The following ZNF787 variants were observed in gnomAD, a reference collection of about 807,000 sequenced individuals.
The protein encoded by ZNF787 is zinc finger protein 787, also known as TTF-I-interacting peptide 20.
ZNF787 carries 7 observed loss-of-function variants against 16.9 expected under a neutral mutation model. The observed-to-expected ratio is 0.42, with a 90% CI of 0.24 to 0.78. ZNF787 has a LOEUF of 0.78. Ranked by LOEUF, ZNF787 falls within the 30% of genes least tolerant of loss-of-function variation. The probability of loss-of-function intolerance (pLI) is 0.30; values close to 1 mark genes in which losing one functional copy is unlikely to be tolerated. For synonymous variants in ZNF787, 345 were observed against 270.9 expected (o/e 1.27, Z -2.69); for missense variants, 551 against 589.3 (o/e 0.94, Z 0.67).
intron 2 of ZNF787, chr19:56,101,860 A>G (rs1986110691): frequency 6.6e-6 from 1 of 152,372 alleles, no homozygotes; most frequent in African/African-American, 2.4e-5. Context: ...CCAAGGATGT[A>G]TGCGAGGGAG....
intron 1 of ZNF787, among the ~76,000 whole-genome samples, chr19:56,114,684 T>C (rs1234243123): frequency 6.6e-6 from 1 of 152,146 alleles, no homozygotes; most frequent in Non-Finnish European, 1.5e-5. Flanking sequence ...TCTGTCACCA[T>C]GTCACGAGCG....
chr19:56,089,403 G>T (rs780804891), intron 2 of ZNF787, among the ~76,000 whole-genome samples: 1 of 152,086 alleles, frequency 6.6e-6, no homozygotes, highest in Non-Finnish European at 1.5e-5. Context: ...CGGGATCCAC[G>T]GAAGGCTCCC....
chr19:56,107,246 A>T (rs1265948144), intron 1 of ZNF787, among the ~76,000 whole-genome samples: 1 of 152,188 alleles, frequency 6.6e-6, no homozygotes, highest in Non-Finnish European at 1.5e-5. Flanking sequence ...GGGAGAAGGG[A>T]AAGGCTGGAG....
rs1274125070 is a variant in ZNF787 at position 56,104,589 on chromosome 19, CCAT to C, written c.-10-1365_-10-1363del. On this transcript the variant is annotated intron_variant, in intron 1 of 2. Coordinates refer to ENST00000610935, the MANE Select transcript of ZNF787 (RefSeq NM_001002836.4). Reference sequence around the variant, plus strand: ...GCACACCACCCACCCGTGCCACGTACCATGAGGGTCTCTACACATGACACCACC... The same window carrying C: ...GCACACCACCCACCCGTGCCACGTACGAGGGTCTCTACACATGACACCACC... 3.9e-5 allele frequency among the ~76,000 whole-genome samples: 6 copies of C among 152,112 alleles called. No homozygotes were observed. In the South Asian group the frequency reaches 1.0e-3, roughly 26 times the overall value.
intron 2 of ZNF787, among the ~76,000 whole-genome samples, chr19:56,099,520 G>C (rs548996430): frequency 6.6e-6 from 1 of 152,220 alleles, no homozygotes; most frequent in Admixed American, 6.5e-5. Context: ...AGACCATCCT[G>C]GCCAACACGG....
intron 1 of ZNF787, among the ~76,000 whole-genome samples, chr19:56,106,951 G>A (rs898945753): frequency 1.3e-5 from 2 of 152,182 alleles, no homozygotes; most frequent in African/African-American, 4.8e-5. Flanking sequence ...GGTACAGAAC[G>A]GAGCCAGCCC....
intron 1 of ZNF787, among the ~76,000 whole-genome samples, chr19:56,120,574 G>C (rs1309184586): frequency 2.0e-5 from 3 of 152,204 alleles, no homozygotes; most frequent in Non-Finnish European, 2.9e-5. Flanking sequence ...CCTGATCAAA[G>C]GCCACGCGCA....
At chr19:56,100,314 G>A (rs113830456) in intron 2 of ZNF787, among the ~76,000 whole-genome samples, 2,442 of 26,220 alleles carry the variant, frequency 0.093, 65 homozygotes, top group African/African-American at 0.18. Flanking sequence ...CAAGTGCTCA[G>A]GCTGACACCT....
At chr19:56,118,490 G>A (rs1031068743) in intron 1 of ZNF787, among the ~76,000 whole-genome samples, 6 of 152,194 alleles carry the variant, frequency 3.9e-5, no homozygotes, top group Admixed American at 6.5e-5. Flanking sequence ...CTCTGGAATC[G>A]CAGTAGACAC....
rs1416227707 is a variant in ZNF787, at chr19:56,088,382, C to T, written c.790G>A (p.Ala264Thr). 54 of 1,102,706 alleles carry T rather than the reference C, an allele frequency of 4.9e-5. No homozygotes were observed. The highest frequency in any genetic ancestry group is 5.5e-5 in the Non-Finnish European group (50 of 905,626). The allele number at this position is 1,102,706 out of a possible 1,614,324, so 68.3% of individuals were successfully genotyped here. ...AAAAAMAGAG[A>T]KAAGPRSRRA... The stretch of plus-strand genomic sequence containing the variant: ...CGCGACCGGGGCCCCGCGGCCTTTG[C>T]CCCCGCGCCCGCCATGGCTGCCGCG... Residue 264 changes from alanine to threonine, a missense_variant, in exon 3 of 3, where the codon GCA becomes ACA. Physicochemically the swap from Ala to Thr is moderately conservative, Grantham distance 58. Transcript: ENST00000610935. This position sits in a 1 kb window ranked among gnomAD's most constrained non-coding sequence, Gnocchi z 8.6.
intron 1 of ZNF787, among the ~76,000 whole-genome samples, chr19:56,114,318 T>C (rs2030067461): frequency 6.6e-6 from 1 of 151,914 alleles, no homozygotes; most frequent in South Asian, 2.1e-4. Flanking sequence ...AGGCCTGGTC[T>C]TTCTCTCTGA....
chr19:56,110,361 C>CAAA (rs761035056), intron 1 of ZNF787, among the ~76,000 whole-genome samples: 2 of 112,912 alleles, frequency 1.8e-5, no homozygotes, highest in Non-Finnish European at 3.8e-5. Flanking sequence ...GACTCCGTCT[C>CAAA]AAAAAAAAAA....
At chr19:56,106,088 C>T in intron 1 of ZNF787, among the ~76,000 whole-genome samples, 1 of 150,704 alleles carries the variant, frequency 6.6e-6, no homozygotes, top group South Asian at 2.1e-4. Context: ...AGTCACCGCG[C>T]ATTCCCCCTT....
At chr19:56,102,824 G>GA in intron 2 of ZNF787, 1 of 689,298 alleles carries the variant, frequency 1.5e-6, no homozygotes, top group Admixed American at 2.0e-5. Flanking sequence ...GTGGGGAGAG[G>GA]AAGGGGGCAC....
In ZNF787 at chr19:56,088,905, G is replaced by C. The variant is rs1341905012; in HGVS notation, c.267C>G (p.Thr89=). 1 of 1,599,752 alleles carries C rather than the reference G, an allele frequency of 6.3e-7. No homozygotes were observed. The highest frequency in any genetic ancestry group is 8.5e-7 in the Non-Finnish European group (1 of 1,172,866). ...CGGCGCAGGCGTTGGGCCGCTCGCCGGTGTGCGTGCGCTGGTGCCGCGTCA... is the reference window on the plus strand; with the variant it reads ...CGGCGCAGGCGTTGGGCCGCTCGCCCGTGTGCGTGCGCTGGTGCCGCGTCA... The part of the protein sequence containing the change: ...SKLTRHQRTH[T]GERPNACADC... Residue 89 remains threonine (T), a synonymous_variant, in exon 3 of 3, where the codon ACC becomes ACG. Transcript: ENST00000610935. The surrounding 1 kb of genome is among the most constrained non-coding windows in gnomAD (Gnocchi z 8.6).
intron 1 of ZNF787, 133 bp from the exon 2 acceptor site, chr19:56,103,360 A>G (rs997082797): frequency 1.5e-6 from 1 of 685,774 alleles, no homozygotes; most frequent in Non-Finnish European, 2.3e-6. Context: ...CACAGCACCT[A>G]CCCCAGGACA....
At chr19:56,091,147 AGCTATTTGCCCCGGGGCAGTG>A (rs1486539770) in intron 2 of ZNF787, among the ~76,000 whole-genome samples, 3 of 152,208 alleles carry the variant, frequency 2.0e-5, no homozygotes, top group Non-Finnish European at 4.4e-5. Flanking sequence ...AAACATCAGA[AGCTATTTGCCCCGGGGCAGTG>A]TGACTGAAGG....
At position 56,088,583 on chromosome 19, in the gene ZNF787, G is replaced by A. The variant is rs1355703097; in HGVS notation, c.589C>T (p.Leu197=). ...FSQPKSLARH[L]RLHPELSGPG... ...CCCGACAGCTCCGGGTGCAGCCGCA[G>A]GTGACGCGCGAGGCTCTTGGGCTGG... Residue 197 remains leucine (L), a synonymous_variant, in exon 3 of 3, where the codon CTG becomes TTG. Coordinates refer to ENST00000610935, the MANE Select transcript of ZNF787 (RefSeq NM_001002836.4). The surrounding 1 kb of genome is among the most constrained non-coding windows in gnomAD (Gnocchi z 8.6). 6.6e-7 allele frequency: 1 copy of A among 1,511,056 alleles called. No homozygotes were observed. Among genetic ancestry groups the A allele is most frequent in the Non-Finnish European group, 8.8e-7 (1 of 1,137,104 alleles). The allele number at this position is 1,511,056 out of a possible 1,614,324, so 93.6% of individuals were successfully genotyped here. A position where few individuals can be genotyped will look rare whatever the true frequency, so the allele number is the denominator to read the frequency against.
intron 2 of ZNF787, among the ~76,000 whole-genome samples, chr19:56,095,991 C>T (rs1400602553): frequency 3.3e-5 from 5 of 152,172 alleles, no homozygotes; most frequent in African/African-American, 9.7e-5. Context: ...AACTTTGCAA[C>T]TGTGATCCAG....
Sources: gnomAD v4.1 joint callset for allele counts (sites outside exome capture counted in the v4.1 genomes callset) on GRCh38, gnomAD v4.1.1 for gene constraint, Gnocchi (gnomAD v3.1) non-coding constraint, MANE v1.5 for transcripts, NCBI Gene and HGNC (gene_info 2026-07-23, HGNC 2026-07-21) for gene names.